Variants in ARSJ observed in about 807,000 individuals in gnomAD.
ARSJ encodes the protein arylsulfatase J.
ARSJ carries 26 observed loss-of-function variants against 35.9 expected under a neutral mutation model. That is an observed-to-expected ratio of 0.72 (90% confidence interval 0.53 to 1.00). The LOEUF (loss-of-function observed/expected upper bound fraction) is 1.00. ARSJ is among the 50% of genes least tolerant of loss of function. The pLI is 0.00. For missense variants in ARSJ, 667 were observed against 723.6 expected (o/e 0.92, Z 0.90); for synonymous variants, 294 against 267.6 (o/e 1.10, Z -0.96).
intron 1 of ARSJ, among the ~76,000 whole-genome samples, chr4:113,931,660 C>A (rs954598448): frequency 1.3e-5 from 2 of 151,984 alleles, no homozygotes; most frequent in South Asian, 4.1e-4. Context: ...GCAAGCCTTA[C>A]GTGCAGGCAG....
Position 113,902,374 on chromosome 4 carries a change from T to A in ARSJ, c.1700A>T (p.Asn567Ile), listed in dbSNP as rs1243225431. 2 of 1,613,828 alleles carry A rather than the reference T, an allele frequency of 1.2e-6. No homozygotes were observed. The highest frequency in any genetic ancestry group is 8.5e-7 in the Non-Finnish European group (1 of 1,179,874). The change falls in exon 2 of 2, where the codon AAT becomes ATT. Residue 567 changes from asparagine (N) to isoleucine (I), a missense_variant. Asn to Ile is a moderately radical substitution (Grantham distance 149). Transcript: ENST00000315366. ...TTTCTTTTGCTTTTTCTCAGCCTGA[T>A]TTTTGCTTGGCTTCTTTTTCTTGGT... The part of the protein sequence containing the change: ...EETKKKKPSK[N>I]QAEKKQKKSK...
At chr4:113,916,016 T>C (rs931402342) in intron 1 of ARSJ, among the ~76,000 whole-genome samples, 19 of 152,236 alleles carry the variant, frequency 1.2e-4, no homozygotes, top group African/African-American at 3.4e-4. Flanking sequence ...AGCAACTCTC[T>C]TATTTTCTGC....
At chr4:113,936,031 A>G (rs1353336340) in intron 1 of ARSJ, among the ~76,000 whole-genome samples, 2 of 151,982 alleles carry the variant, frequency 1.3e-5, no homozygotes, top group African/African-American at 2.4e-5. Context: ...CCATTTTAGC[A>G]TATTCTAAAA....
In ARSJ at chr4:113,950,117, A is replaced by C. The variant is rs539102830; in HGVS notation, c.398+28320T>G. Among the ~76,000 whole-genome samples, 4 of 152,168 alleles carry C rather than the reference A, an allele frequency of 2.6e-5. No individual in the cohort carries two copies. In the South Asian group the frequency reaches 8.3e-4, roughly 32 times the overall value. ...GGGAAATAAAATGAAGTTCTAATAAAATGTACTGAAAAGTGATTACACGGC... is the reference window on the plus strand; with the variant it reads ...GGGAAATAAAATGAAGTTCTAATAACATGTACTGAAAAGTGATTACACGGC... On this transcript the variant is annotated intron_variant, in intron 1 of 1. Coordinates refer to ENST00000315366, the MANE Select transcript of ARSJ (RefSeq NM_024590.4).
At chr4:113,939,546 G>A (rs1247557686) in intron 1 of ARSJ, among the ~76,000 whole-genome samples, 1 of 151,978 alleles carries the variant, frequency 6.6e-6, no homozygotes, top group South Asian at 2.1e-4. Context: ...AAGTGTTCCT[G>A]TTTCTCCACA....
rs1428987255 is a variant in ARSJ at position 113,903,517 on chromosome 4, C to T, written c.557G>A (p.Cys186Tyr). 1.2e-6 allele frequency: 2 copies of T among 1,614,210 alleles called. No homozygotes were observed. The highest frequency in any genetic ancestry group is 2.2e-5 in the East Asian group (1 of 44,884). Residue 186 changes from cysteine (C) to tyrosine (Y), a missense_variant, in exon 2 of 2, where the codon TGC becomes TAC. Cys to Tyr is a radical substitution (Grantham distance 194). Coordinates refer to ENST00000315366, the MANE Select transcript of ARSJ (RefSeq NM_024590.4). ...KWHLGFYRKECMPTRRGFDTF... is the reference protein window; with the variant it reads ...KWHLGFYRKEYMPTRRGFDTF... ...ATCAAATCCTCTTCTGGTGGGCATG[C>T]ATTCTTTTCTGTAAAAACCCAAGTG...
At chr4:113,925,639 T>C (rs1176657254) in intron 1 of ARSJ, among the ~76,000 whole-genome samples, 2 of 152,180 alleles carry the variant, frequency 1.3e-5, no homozygotes, top group African/African-American at 4.8e-5. Flanking sequence ...CTGCTTTAGC[T>C]GTAAAGTGAG....
At chr4:113,940,902 G>T (rs1470810640) in intron 1 of ARSJ, among the ~76,000 whole-genome samples, 1 of 151,948 alleles carries the variant, frequency 6.6e-6, no homozygotes, top group Admixed American at 6.6e-5. Flanking sequence ...TTAGGGTAAG[G>T]TCTTAGAGGT....
chr4:113,926,067 C>G (rs1724039033), intron 1 of ARSJ, among the ~76,000 whole-genome samples: 1 of 152,140 alleles, frequency 6.6e-6, no homozygotes, highest in African/African-American at 2.4e-5. Flanking sequence ...GTCGTGTCTA[C>G]AGAATGGGCC....
chr4:113,901,144 T>C lies in ARSJ; in HGVS notation c.*1130A>G, dbSNP rs981161304. 3.3e-5 allele frequency: 5 copies of C among 152,204 alleles called. No homozygotes were observed. Among genetic ancestry groups the C allele is most frequent in the Non-Finnish European group, 7.3e-5 (5 of 68,040 alleles). 9.4% of individuals were successfully genotyped at this position (152,204 alleles called of 1,614,324 possible). On this transcript the variant is annotated 3_prime_UTR_variant, in exon 2 of 2. Transcript: ENST00000315366. ...TTTTTTAGGACCAATGATACAATTT[T>C]AGCTAGAAGTTAGATCAGAAAAGCC...
chr4:113,909,028 G>C (rs1027317344), intron 1 of ARSJ, among the ~76,000 whole-genome samples: 11 of 151,952 alleles, frequency 7.2e-5, no homozygotes, highest in African/African-American at 2.7e-4. Context: ...AGATGATGGT[G>C]GCTTGGACTA....
At chr4:113,954,906 G>A (rs1166485873) in intron 1 of ARSJ, among the ~76,000 whole-genome samples, 1 of 151,652 alleles carries the variant, frequency 6.6e-6, no homozygotes, top group Non-Finnish European at 1.5e-5. Context: ...GCACTTATCT[G>A]TCTTGTCTTA....
chr4:113,911,941 A>G (rs1245338368), intron 1 of ARSJ, among the ~76,000 whole-genome samples: 2 of 152,200 alleles, frequency 1.3e-5, no homozygotes, highest in African/African-American at 2.4e-5. Flanking sequence ...AAATATATAC[A>G]ATAAAATGTA....
Position 113,902,034 on chromosome 4 carries a change from C to A in ARSJ, c.*240G>T. ...GGACTCACCACGTTTTCTAAAGGAGCAAGAGAAATAAACATCTCCACTCTC... is the reference window on the plus strand; with the variant it reads ...GGACTCACCACGTTTTCTAAAGGAGAAAGAGAAATAAACATCTCCACTCTC... On this transcript the variant is annotated 3_prime_UTR_variant, in exon 2 of 2. Coordinates refer to ENST00000315366, the MANE Select transcript of ARSJ (RefSeq NM_024590.4). 1.6e-6 allele frequency: 2 copies of A among 1,240,680 alleles called. No individual in the cohort carries two copies. The highest frequency in any genetic ancestry group is 1.5e-5 in the South Asian group (1 of 68,412). The allele number at this position is 1,240,680 out of a possible 1,614,324, so 76.9% of individuals were successfully genotyped here.
At chr4:113,927,677 G>A (rs186266162) in intron 1 of ARSJ, among the ~76,000 whole-genome samples, 1 of 152,140 alleles carries the variant, frequency 6.6e-6, no homozygotes, top group Non-Finnish European at 1.5e-5. Context: ...ACCACATCTG[G>A]TACAGCAGCT....
In ARSJ at chr4:113,965,000, T is replaced by C. The variant is rs146884914; in HGVS notation, c.398+13437A>G. On this transcript the variant is annotated intron_variant, in intron 1 of 1. Transcript: ENST00000315366. ...AGTCAAATTTAAACAAAAGATTGTA[T>C]AGGAACTAGGTATTACTTCAAAACA... 6.3e-3 allele frequency among the ~76,000 whole-genome samples: 955 copies of C among 152,288 alleles called. 6 individuals are homozygous for C. Among genetic ancestry groups the C allele is most frequent in the Non-Finnish European group, 0.011 (732 of 68,010 alleles).
At chr4:113,976,819 A>G (rs1727619766) in intron 1 of ARSJ, among the ~76,000 whole-genome samples, 1 of 152,196 alleles carries the variant, frequency 6.6e-6, no homozygotes, top group Non-Finnish European at 1.5e-5. Context: ...TTAATCTTTC[A>G]CCAAAGAGAA....
At chr4:113,938,493 A>T (rs1455627761) in intron 1 of ARSJ, among the ~76,000 whole-genome samples, 1 of 152,012 alleles carries the variant, frequency 6.6e-6, no homozygotes, top group Non-Finnish European at 1.5e-5. Context: ...AGATTTCATG[A>T]TGAAAACATC....
At chr4:113,923,275 G>A (rs1723797642) in intron 1 of ARSJ, among the ~76,000 whole-genome samples, 1 of 152,086 alleles carries the variant, frequency 6.6e-6, no homozygotes, top group African/African-American at 2.4e-5. Context: ...AATAATAAAA[G>A]ATGCCTTTAA....
Sources: allele counts gnomAD v4.1 joint callset (sites outside exome capture counted in the v4.1 genomes callset), GRCh38; gene constraint gnomAD v4.1.1; transcripts MANE v1.5; gene names NCBI Gene and HGNC (gene_info 2026-07-23, HGNC 2026-07-21).